The following TNIP3 variants were observed in gnomAD, a reference collection of about 807,000 sequenced individuals.
TNIP3 encodes the protein TNFAIP3 interacting protein 3, also known as TNFAIP3-interacting protein 3.
A neutral mutation model predicts 54.1 loss-of-function variants in TNIP3; 34 were observed. That is an observed-to-expected ratio of 0.63 (90% confidence interval 0.48 to 0.84). The LOEUF is 0.84. TNIP3 is among the 40% of genes least tolerant of loss of function. The probability of loss-of-function intolerance (pLI) is 0.00; values close to 1 mark genes in which losing one functional copy is unlikely to be tolerated. For synonymous variants in TNIP3, 134 were observed against 136.8 expected (o/e 0.98, Z 0.14); for missense variants, 366 against 387.6 (o/e 0.94, Z 0.47).
At chr4:121,168,652 C>T (rs919667225), upstream of TNIP3, among the ~76,000 whole-genome samples, 2 of 151,932 alleles carry the variant, frequency 1.3e-5, no homozygotes, top group African/African-American at 4.8e-5. Flanking sequence ...TCTTGAGTAG[C>T]TACAGGTGTG....
chr4:121,185,515 G>A (rs1174786801), intron 2 of TNIP3, among the ~76,000 whole-genome samples: 1 of 151,978 alleles, frequency 6.6e-6, no homozygotes, highest in African/African-American at 2.4e-5. Flanking sequence ...CAGGAAAGAG[G>A]AAAGGCCTTT....
chr4:121,166,619 GT>G (rs762423714), upstream of TNIP3, among the ~76,000 whole-genome samples: 11 of 152,192 alleles, frequency 7.2e-5, no homozygotes, highest in Non-Finnish European at 1.5e-4. Context: ...GGGAAATGTG[GT>G]AAAGGAACAA....
At chr4:121,139,958 T>C (rs567345136) in intron 9 of TNIP3, among the ~76,000 whole-genome samples, 2 of 152,252 alleles carry the variant, frequency 1.3e-5, no homozygotes, top group Non-Finnish European at 2.9e-5. Context: ...ACATGAAATA[T>C]TATTTTTAAA....
rs767812636 is a variant in TNIP3 at position 121,157,091 on chromosome 4, C to T, written c.363+3G>A. 1.2e-6 allele frequency: 2 copies of T among 1,613,984 alleles called. No individual in the cohort carries two copies. Among genetic ancestry groups the T allele is most frequent in the Non-Finnish European group, 1.7e-6 (2 of 1,180,006 alleles). ...CGGGCTCGAGGACCCGGGCCCCGCC[C>T]ACCTCCTCCCGCTGCAGCCGGTCCC... On this transcript the variant is annotated splice_donor_region_variant and intron_variant, in intron 4 of 10. Coordinates refer to ENST00000057513, the MANE Select transcript of TNIP3 (RefSeq NM_024873.6).
upstream of TNIP3, among the ~76,000 whole-genome samples, chr4:121,219,651 A>G (rs1208314856): frequency 6.6e-6 from 1 of 152,178 alleles, no homozygotes; most frequent in Non-Finnish European, 1.5e-5. Flanking sequence ...TACCAGTCAT[A>G]CTCAAAGTTT....
chr4:121,146,916 T>C (rs1201661356), intron 7 of TNIP3, 133 bp downstream of exon 7: 2 of 892,652 alleles, frequency 2.2e-6, no homozygotes, highest in African/African-American at 1.7e-5. Context: ...TGTTTAAGAA[T>C]GACTTCATCC....
intron 2 of TNIP3, among the ~76,000 whole-genome samples, chr4:121,205,187 G>T (rs114650233): frequency 9.6e-4 from 146 of 152,276 alleles, no homozygotes; most frequent in African/African-American, 3.4e-3. Context: ...AGTGATCAAA[G>T]GTGGGACTTA....
At chr4:121,159,440 A>T (rs17368488) in intron 2 of TNIP3, among the ~76,000 whole-genome samples, 4,983 of 152,314 alleles carry the variant, frequency 0.033, 125 homozygotes, top group Non-Finnish European at 0.048. Context: ...AAGATTTCTT[A>T]ATGCATGGAG....
At chr4:121,136,031 G>A (rs765211296) in intron 10 of TNIP3, among the ~76,000 whole-genome samples, 2 of 152,172 alleles carry the variant, frequency 1.3e-5, no homozygotes, top group Non-Finnish European at 2.9e-5. Context: ...CTCTGCTGCT[G>A]GCCAGCCATA....
chr4:121,140,041 T>C (rs1420413330), intron 9 of TNIP3, among the ~76,000 whole-genome samples: 2 of 152,164 alleles, frequency 1.3e-5, no homozygotes, highest in African/African-American at 2.4e-5. Context: ...TGCTTGAAAA[T>C]GTAGGCCATT....
chr4:121,154,810 G>C, intron 4 of TNIP3, 131 bp from the exon 5 acceptor site: 3 of 740,672 alleles, frequency 4.1e-6, no homozygotes, highest in Non-Finnish European at 6.3e-6. Flanking sequence ...ATAAAAACAG[G>C]ACCTGCAAGA....
chr4:121,221,181 G>A (rs956350843), upstream of TNIP3, among the ~76,000 whole-genome samples: 3 of 152,074 alleles, frequency 2.0e-5, no homozygotes, highest in African/African-American at 7.2e-5. Context: ...GAAATGTAAA[G>A]AACTATAACA....
chr4:121,191,338 A>G lies in TNIP3; in HGVS notation c.69-8542T>C, dbSNP rs755725902. Among the ~76,000 whole-genome samples, 8 of 152,310 alleles carry G rather than the reference A, an allele frequency of 5.3e-5. No homozygotes were observed. The South Asian group carries it at 1.0e-3, about 20-fold the overall frequency. ...TAATGCTTTTGCACCATTGTTCTAC[A>G]GTGGAAATACACTCAGGTGGGTTTA... is the stretch of plus-strand genomic sequence containing the variant. On this transcript the variant is annotated intron_variant, in intron 2 of 12. Coordinates refer to the TNIP3 transcript ENST00000507879.
At chr4:121,134,371 A>C (rs1488889848) in intron 10 of TNIP3, among the ~76,000 whole-genome samples, 3 of 152,188 alleles carry the variant, frequency 2.0e-5, no homozygotes, top group African/African-American at 7.2e-5. Flanking sequence ...GGTTAAACTA[A>C]CTCTGTTATG....
chr4:121,145,795 C>T (rs1416114059), intron 7 of TNIP3, among the ~76,000 whole-genome samples: 1 of 151,564 alleles, frequency 6.6e-6, no homozygotes, highest in East Asian at 1.9e-4. Context: ...GCAGAGACAA[C>T]TTAAAAGAAA....
intron 2 of TNIP3, among the ~76,000 whole-genome samples, chr4:121,203,281 T>C (rs1726003102): frequency 1.3e-5 from 2 of 151,790 alleles, no homozygotes; most frequent in Admixed American, 6.6e-5. Flanking sequence ...TGAAATACTA[T>C]TCAGCCATAA....
chr4:121,164,223 A>G lies in TNIP3; in HGVS notation c.-98T>C. ...GGGTGAGAGCAAGTATACAAAATTT[A>G]AAAAACACACATCACCGTTAACTCA... is the stretch of plus-strand genomic sequence containing the variant. On this transcript the variant is annotated 5_prime_UTR_variant, in exon 1 of 11. The change abolishes the stop of an existing upstream ORF in the 5' untranslated region. Transcript: ENST00000057513. The G allele has an allele frequency of 6.3e-7, 1 of 1,580,766 alleles. No homozygotes were observed. Among genetic ancestry groups the G allele is most frequent in the East Asian group, 2.3e-5 (1 of 44,298 alleles).
At chr4:121,167,499 G>A (rs149807109), upstream of TNIP3, among the ~76,000 whole-genome samples, 132 of 152,230 alleles carry the variant, frequency 8.7e-4, 1 homozygote, top group South Asian at 1.9e-3. Context: ...ACACAACTGG[G>A]CAAGCCTAGT....
intron 9 of TNIP3, 29 bp from the exon 10 acceptor site, chr4:121,138,713 G>C: frequency 1.3e-6 from 2 of 1,594,170 alleles, no homozygotes; most frequent in East Asian, 2.2e-5. Flanking sequence ...CATTATTATA[G>C]CAATATGGAC....
Sources: allele counts gnomAD v4.1 joint callset (sites outside exome capture counted in the v4.1 genomes callset), GRCh38; gene constraint gnomAD v4.1.1; transcripts MANE v1.5; gene names NCBI Gene and HGNC (gene_info 2026-07-23, HGNC 2026-07-21).